The following VPS13C variants were observed in gnomAD, a reference collection of about 807,000 sequenced individuals.
VPS13C encodes intermembrane lipid transfer protein VPS13C.
In VPS13C, 358 loss-of-function variants were observed where a neutral mutation model predicts 456.8. The ratio of observed to expected loss-of-function variants is 0.78; its 90% CI spans 0.72 to 0.86. The LOEUF is 0.86. Among genes scored for constraint, VPS13C ranks in the 40% least tolerant of loss-of-function variants. VPS13C has a pLI of 0.00. For synonymous variants in VPS13C, 1,578 were observed against 1,486.7 expected (o/e 1.06, Z -1.41); for missense variants, 4,818 against 4,385.4 (o/e 1.10, Z -2.79).
intron 41 of VPS13C, 120 bp from the exon 42 acceptor site, chr15:61,949,725 T>G: frequency 1.1e-6 from 1 of 920,480 alleles, no homozygotes; most frequent in Non-Finnish European, 1.5e-6. Flanking sequence ...AAATTTTTAT[T>G]TTTTTAAGAA....
rs756914549 is a variant in VPS13C at position 62,028,370 on chromosome 15, C to T, written c.436G>A (p.Asp146Asn). The change falls in exon 6 of 85, where the codon GAC becomes AAC. Residue 146 changes from aspartate (D) to asparagine (N), a missense_variant. Transcript: ENST00000644861. ...CATGCATACCCACCAGGCTTGATGT[C>T]CTTGTAAACAAAGTTCTCCAAGCCA... Reference protein sequence around the residue: ...IYGLENFVYKDIKPGRKRKKH... With the variant: ...IYGLENFVYKNIKPGRKRKKH... 6.2e-6 allele frequency: 10 copies of T among 1,612,898 alleles called. No homozygotes were observed. Among genetic ancestry groups the T allele is most frequent in the Non-Finnish European group, 8.5e-6 (10 of 1,179,232 alleles).
At chr15:62,027,849 G>T (rs1020637020) in intron 6 of VPS13C, among the ~76,000 whole-genome samples, 2 of 151,948 alleles carry the variant, frequency 1.3e-5, no homozygotes, top group African/African-American at 4.8e-5. Context: ...TCAATATGCT[G>T]TACAGGACAG....
At position 61,890,268 on chromosome 15, in the gene VPS13C, T is replaced by C. The variant is rs747713211; in HGVS notation, c.9238A>G (p.Met3080Val). 2 of 1,614,096 alleles carry C rather than the reference T, an allele frequency of 1.2e-6. No homozygotes were observed. The highest frequency in any genetic ancestry group is 4.5e-5 in the East Asian group (2 of 44,868). The change falls in exon 67 of 85, where the codon ATG becomes GTG. Residue 3080 changes from methionine to valine, a missense_variant. Around this residue, in one of 3 missense-constraint regions of VPS13C, gnomAD observed 4,552 missense variants for 4,130.6 expected, o/e 1.10. Transcript: ENST00000644861. ...GTTATTTCATAATCAGCCTGTTCCA[T>C]TTCTTCTGCCTGCAGTGCTTTGGAA... ...LVSKALQAEE[M>V]EQADYEITLS...
rs748075690 is a variant in VPS13C, at chr15:61,873,302, G to A, written c.10522C>T (p.Arg3508Ter). Residue 3508 changes from arginine to a stop codon, truncating the protein, a stop_gained, in exon 78 of 85, where the codon CGA becomes TGA. Transcript: ENST00000644861. LOFTEE classifies it high-confidence loss of function. Reference protein sequence around the residue: ...YQQKRREELSRQPRDFGDSLA... With the variant: ...YQQKRREELS ...CTGTCTCCAAAATCTCTGGGCTGTC[G>A]ACTCAACTCTTCTCTTCTTTTTTGC... The A allele has an allele frequency of 5.6e-6, 9 of 1,613,448 alleles. No homozygotes were observed. Among genetic ancestry groups the A allele is most frequent in the African/African-American group, 5.3e-5 (4 of 74,830 alleles).
In VPS13C at chr15:61,945,763, C is replaced by T; in HGVS notation, c.5100G>A (p.Val1700=). ...SKVDGKLSFK[V]GCIQIVYVHK... ...GAACATAAACAATCTGAATACAACCCACTTTAAAACTAAGTTTGCCGTCTA... is the reference window on the plus strand; with the variant it reads ...GAACATAAACAATCTGAATACAACCTACTTTAAAACTAAGTTTGCCGTCTA... Residue 1700 remains valine, a synonymous_variant, in exon 45 of 85, where the codon GTG becomes GTA. Transcript: ENST00000644861. The T allele has an allele frequency of 6.2e-7, 1 of 1,608,898 alleles. No individual in the cohort carries two copies. The highest frequency in any genetic ancestry group is 8.5e-7 in the Non-Finnish European group (1 of 1,177,944).
At chr15:61,900,210 G>GGTTT (rs1203838199) in intron 66 of VPS13C, among the ~76,000 whole-genome samples, 1 of 152,094 alleles carries the variant, frequency 6.6e-6, no homozygotes, top group African/African-American at 2.4e-5. Context: ...CACAAGACAG[G>GGTTT]GATGCCCTCT....
rs141144642 is a variant in VPS13C at position 61,950,828 on chromosome 15, A to G, written c.4536+117T>C. On this transcript the variant is annotated intron_variant, in intron 40 of 84. Transcript: ENST00000644861. ...TTTTCAGATGCTTGCAAAATTCACCATAATCAATAAGTTTAGGTAGAAAAA... is the reference window on the plus strand; with the variant it reads ...TTTTCAGATGCTTGCAAAATTCACCGTAATCAATAAGTTTAGGTAGAAAAA... 429 of 704,638 alleles carry G rather than the reference A, an allele frequency of 6.1e-4. 3 individuals carry two copies. The African/African-American group carries it at 6.8e-3, about 11-fold the overall frequency. 43.6% of individuals were successfully genotyped at this position (704,638 alleles called of 1,614,324 possible).
At chr15:62,000,426 G>T in intron 16 of VPS13C, 138 bp downstream of exon 16, 4 of 736,030 alleles carry the variant, frequency 5.4e-6, no homozygotes, top group Non-Finnish European at 6.5e-6. Context: ...CTTTTTTTCA[G>T]TACTCCAGTT....
At chr15:61,944,236 A>C (rs1275618779) in intron 45 of VPS13C, among the ~76,000 whole-genome samples, 1 of 152,208 alleles carries the variant, frequency 6.6e-6, no homozygotes, top group East Asian at 1.9e-4. Context: ...GAGATTTCTC[A>C]AAGAACTCAA....
At chr15:61,950,555 CAAAAAA>C (rs202137136) in intron 40 of VPS13C, 138 bp from the exon 41 acceptor site, 2 of 477,986 alleles carry the variant, frequency 4.2e-6, no homozygotes. Context: ...GAAAGCCATT[CAAAAAA>C]AAAAAACAAA....
intron 47 of VPS13C, among the ~76,000 whole-genome samples, chr15:61,937,707 C>A (rs1434652593): frequency 2.6e-5 from 4 of 152,190 alleles, no homozygotes; most frequent in African/African-American, 9.7e-5. Context: ...ATCTCCTGAC[C>A]TCGTGATCCA....
intron 49 of VPS13C, among the ~76,000 whole-genome samples, chr15:61,933,006 T>A (rs372391276): frequency 6.6e-6 from 1 of 152,174 alleles, no homozygotes; most frequent in Admixed American, 6.5e-5. Flanking sequence ...GTTGTGCCAA[T>A]ATCTAGGATG....
chr15:61,907,425 T>A, intron 65 of VPS13C, 35 bp from the exon 66 acceptor site: 3 of 1,605,436 alleles, frequency 1.9e-6, no homozygotes, highest in Non-Finnish European at 2.6e-6. Flanking sequence ...AATCAGAATA[T>A]CTTGGAGATA....
Position 61,884,244 on chromosome 15 carries a change from G to T in VPS13C, c.9367C>A (p.Pro3123Thr). The T allele has an allele frequency of 6.2e-7, 1 of 1,610,490 alleles. No homozygotes were observed. The highest frequency in any genetic ancestry group is 8.5e-7 in the Non-Finnish European group (1 of 1,178,800). ...CTAAATGGCTTCCATTTCTGCTTTG[G>T]TTTCACCTCCCAAACAACACCAGAA... ...TSSGVVWEVKPKQKWKPFSQK... is the reference protein window; with the variant it reads ...TSSGVVWEVKTKQKWKPFSQK... The change falls in exon 68 of 85, where the codon CCA (proline) becomes ACA (threonine). Residue 3123 changes from proline (P) to threonine (T), a missense_variant. Pro to Thr is a conservative substitution (Grantham distance 38, BLOSUM62 -1). Coordinates refer to ENST00000644861, the MANE Select transcript of VPS13C (RefSeq NM_020821.3).
chr15:61,977,017 C>A, intron 24 of VPS13C, 65 bp downstream of exon 24: 1 of 1,148,300 alleles, frequency 8.7e-7, no homozygotes, highest in East Asian at 2.5e-5. Flanking sequence ...TCCTTAAATT[C>A]TAGCAACTGA....
rs781402953 is a variant in VPS13C at position 61,922,643 on chromosome 15, C to A, written c.6729G>T (p.Ser2243=). 6.2e-7 allele frequency: 1 copy of A among 1,613,966 alleles called. No homozygotes were observed. The highest frequency in any genetic ancestry group is 1.1e-5 in the South Asian group (1 of 91,058). ...GAAACCAAGTGTTATAATCATTAAT[C>A]GATTTGATACCCCAAAGATTTTCCA... ...KEMENLWGIK[S]INDYNTWFLG... is the part of the protein sequence containing the mutation. The change falls in exon 54 of 85, where the codon TCG becomes TCT. Residue 2243 remains serine (S), a synonymous_variant. Coordinates refer to ENST00000644861, the MANE Select transcript of VPS13C (RefSeq NM_020821.3).
chr15:61,857,586 G>C (rs747950067), intron 82 of VPS13C, among the ~76,000 whole-genome samples: 2 of 152,146 alleles, frequency 1.3e-5, no homozygotes, highest in Admixed American at 6.5e-5. Context: ...CACTTTTAAT[G>C]AAACAGGAAA....
chr15:62,037,278 ATTATATATAT>A, intron 3 of VPS13C, among the ~76,000 whole-genome samples: 2 of 71,392 alleles, frequency 2.8e-5, no homozygotes, highest in African/African-American at 1.2e-4. Flanking sequence ...TATATAATAT[ATTATATATAT>A]TATATTATAT....
chr15:61,924,110 C>A (rs960178270), intron 53 of VPS13C, among the ~76,000 whole-genome samples: 1 of 151,796 alleles, frequency 6.6e-6, no homozygotes, highest in African/African-American at 2.4e-5. Flanking sequence ...TCGTGATCCG[C>A]CCGCCTCGGC....
Sources: allele counts gnomAD v4.1 joint callset (sites outside exome capture counted in the v4.1 genomes callset), GRCh38; gene constraint gnomAD v4.1.1; regional missense constraint gnomAD v4.1.1; transcripts MANE v1.5; gene names NCBI Gene and HGNC (gene_info 2026-07-23, HGNC 2026-07-21).